Variants in TUSC3 observed in about 807,000 individuals in gnomAD.
The protein encoded by TUSC3 is tumor suppressor candidate 3.
Under a neutral mutation model 44.8 loss-of-function variants are expected in TUSC3, and 45 were observed. That is an observed-to-expected ratio of 1.00 (90% confidence interval 0.79 to 1.29). The LOEUF (loss-of-function observed/expected upper bound fraction) is 1.29, where lower values mean the gene tolerates loss of function less well. TUSC3 is among the 50% of genes most tolerant of loss of function. The probability of loss-of-function intolerance (pLI) is 0.00; values close to 1 mark genes in which losing one functional copy is unlikely to be tolerated. For synonymous variants in TUSC3, 212 were observed against 152.9 expected (o/e 1.39, Z -2.85); for missense variants, 519 against 437.9 (o/e 1.19, Z -1.65).
chr8:15,769,869 A>G (rs992008887), downstream of TUSC3, among the ~76,000 whole-genome samples: 4 of 152,218 alleles, frequency 2.6e-5, no homozygotes, highest in Non-Finnish European at 5.9e-5. Flanking sequence ...ACAGTGAGAT[A>G]CCATCTCTCG....
chr8:15,740,188 C>T (rs537300719), intron 7 of TUSC3, among the ~76,000 whole-genome samples: 55 of 152,124 alleles, frequency 3.6e-4, no homozygotes, highest in African/African-American at 1.3e-3. Flanking sequence ...ATTACATGGC[C>T]ATCCCAGGGA....
chr8:15,647,790 C>T (rs968219085), intron 2 of TUSC3, among the ~76,000 whole-genome samples: 3 of 152,196 alleles, frequency 2.0e-5, no homozygotes, highest in East Asian at 3.9e-4. Flanking sequence ...TTTGTCTCAA[C>T]GTGCAATTTT....
At chr8:15,459,149 A>G (rs1254644386) in intron 1 of TUSC3, among the ~76,000 whole-genome samples, 1 of 152,174 alleles carries the variant, frequency 6.6e-6, no homozygotes, top group Non-Finnish European at 1.5e-5. Context: ...AAATATGACA[A>G]AAGTGACATG....
Position 15,746,774 on chromosome 8 carries a change from G to T in TUSC3, c.938-1601G>T, listed in dbSNP as rs142221550. On this transcript the variant is annotated intron_variant, in intron 8 of 10. Transcript: ENST00000503731. ...GGAGATGGAAGGAAAAGAAAAGAAA[G>T]ACGTGTTAGATAAAATGACAGATTT... Among the ~76,000 whole-genome samples the T allele has an allele frequency of 2.9e-3, 446 of 152,172 alleles. 3 individuals carry two copies. The highest frequency in any genetic ancestry group is 0.01 in the African/African-American group (428 of 41,544).
At chr8:15,611,415 C>T (rs1321613978) in intron 1 of TUSC3, among the ~76,000 whole-genome samples, 1 of 152,152 alleles carries the variant, frequency 6.6e-6, no homozygotes, top group African/African-American at 2.4e-5. Context: ...TCTCAAACTC[C>T]TGACCTCGTG....
intron 6 of TUSC3, among the ~76,000 whole-genome samples, chr8:15,680,772 G>C (rs939370502): frequency 6.6e-6 from 1 of 151,506 alleles, no homozygotes; most frequent in Middle Eastern, 3.2e-3. Flanking sequence ...CCTTTGATGT[G>C]TTTGAGGATT....
intron 7 of TUSC3, among the ~76,000 whole-genome samples, chr8:15,734,323 G>A (rs144285890): frequency 6.6e-6 from 1 of 151,998 alleles, no homozygotes; most frequent in Non-Finnish European, 1.5e-5. Flanking sequence ...GGAGCATTTT[G>A]TATCATAGGT....
chr8:15,686,345 T>C (rs1729474764), intron 6 of TUSC3, among the ~76,000 whole-genome samples: 1 of 152,146 alleles, frequency 6.6e-6, no homozygotes, highest in Admixed American at 6.5e-5. Flanking sequence ...TGAGGATTGC[T>C]ATGGGTTTGC....
At chr8:15,464,760 G>A (rs1297916021) in intron 1 of TUSC3, among the ~76,000 whole-genome samples, 2 of 152,136 alleles carry the variant, frequency 1.3e-5, no homozygotes, top group African/African-American at 4.8e-5. Context: ...AGTGTCTAAT[G>A]CCTGAGAGAC....
intron 1 of TUSC3, among the ~76,000 whole-genome samples, chr8:15,555,276 ATTTTTTTT>A (rs35757466): frequency 2.6e-3 from 115 of 44,882 alleles, no homozygotes; most frequent in Middle Eastern, 0.022. Context: ...TGCCAGGCTA[ATTTTTTTT>A]TTTTTTTTTT....
At chr8:15,786,002 T>G in the TUSC3 span, among the ~76,000 whole-genome samples, 1 of 152,228 alleles carries the variant, frequency 6.6e-6, no homozygotes. Flanking sequence ...AGGAATTGAG[T>G]GTTAATTCTT....
intron 2 of TUSC3, among the ~76,000 whole-genome samples, chr8:15,635,532 T>C (rs1806027533): frequency 6.6e-6 from 1 of 152,184 alleles, no homozygotes; most frequent in African/African-American, 2.4e-5. Flanking sequence ...TAATGACATA[T>C]TTTAATTTAA....
chr8:15,757,866 T>A lies in TUSC3; in HGVS notation c.*46+11T>A. 1 of 1,380,932 alleles carries A rather than the reference T, an allele frequency of 7.2e-7. No homozygotes were observed. Among genetic ancestry groups the A allele is most frequent in the Non-Finnish European group, 1.0e-6 (1 of 967,512 alleles). 85.5% of individuals were successfully genotyped at this position (1,380,932 alleles called of 1,614,324 possible). ...ACTCTATAACCTCAGGCAAGTCTTT[T>A]AATCTTCTCTGAGCCTCAGTTTTCC... is the stretch of plus-strand genomic sequence containing the variant. On this transcript the variant is annotated intron_variant, in intron 10 of 10. Coordinates refer to ENST00000503731, the MANE Select transcript of TUSC3 (RefSeq NM_006765.4).
intron 6 of TUSC3, among the ~76,000 whole-genome samples, chr8:15,688,430 C>CTTTTTTTTT (rs11383982): frequency 7.1e-6 from 1 of 141,298 alleles, no homozygotes; most frequent in Non-Finnish European, 1.5e-5. Flanking sequence ...CTTCAGTATT[C>CTTTTTTTTT]TTTTTTTTTT....
chr8:15,573,168 T>C (rs68104375), intron 1 of TUSC3, among the ~76,000 whole-genome samples: 11,178 of 84,912 alleles, frequency 0.13, 836 homozygotes, highest in East Asian at 0.19. Context: ...TTCTCTCTCT[T>C]TCTCTCTCTC....
chr8:15,776,176 T>G, the TUSC3 span, among the ~76,000 whole-genome samples: 13 of 152,124 alleles, frequency 8.5e-5, no homozygotes, highest in African/African-American at 3.1e-4. Flanking sequence ...TTCAGCTGAT[T>G]ATGAACAAGA....
chr8:15,851,720 C>G, the TUSC3 span, among the ~76,000 whole-genome samples: 5 of 152,214 alleles, frequency 3.3e-5, no homozygotes, highest in African/African-American at 1.2e-4. Flanking sequence ...ATTGACTCTT[C>G]TTCATTTTGC....
chr8:15,675,978 G>C (rs1489624860), intron 6 of TUSC3, among the ~76,000 whole-genome samples: 1 of 152,096 alleles, frequency 6.6e-6, no homozygotes, highest in African/African-American at 2.4e-5. Context: ...TCGAACGGTA[G>C]TTCTATCTTA....
intron 2 of TUSC3, among the ~76,000 whole-genome samples, chr8:15,629,846 C>T (rs75697758): frequency 0.014 from 2,092 of 151,912 alleles, 36 homozygotes; most frequent in African/African-American, 0.048. Context: ...CCTTGTAAGC[C>T]CTTTTAGCAG....
Sources: gnomAD v4.1 joint callset for allele counts (sites outside exome capture counted in the v4.1 genomes callset) on GRCh38, gnomAD v4.1.1 for gene constraint, MANE v1.5 for transcripts, NCBI Gene and HGNC (gene_info 2026-07-23, HGNC 2026-07-21) for gene names.